MAML1: variants seen among roughly 807,000 people sequenced by gnomAD.
The protein encoded by MAML1 is mastermind-like protein 1.
In MAML1, 14 loss-of-function variants were observed where a neutral mutation model predicts 77.1. The observed-to-expected ratio is 0.18, with a 90% confidence interval of 0.12 to 0.28. The LOEUF (loss-of-function observed/expected upper bound fraction) is 0.28, where lower values mean the gene tolerates loss of function less well. MAML1 is among the 10% of genes least tolerant of loss of function. MAML1 has a pLI of 1.00. For missense variants in MAML1, 1,217 were observed against 1,327.8 expected, an observed-to-expected ratio of 0.92 and a Z score of 1.30; for synonymous variants, 516 against 551.9, an observed-to-expected ratio of 0.93 and a Z score of 0.91.
chr5:179,740,169 G>T (rs1330649964), intron 1 of MAML1, among the ~76,000 whole-genome samples: 1 of 152,146 alleles, frequency 6.6e-6, no homozygotes, highest in Non-Finnish European at 1.5e-5. Context: ...GGACCCTTCT[G>T]AGCTGGCATG....
intron 1 of MAML1, among the ~76,000 whole-genome samples, chr5:179,749,428 T>G (rs955525212): frequency 2.0e-5 from 3 of 151,658 alleles, no homozygotes; most frequent in Non-Finnish European, 2.9e-5. Flanking sequence ...ACCCAGCAAA[T>G]TTTTGTATTT....
chr5:179,765,874 A>T lies in MAML1; in HGVS notation c.864A>T (p.Thr288=), dbSNP rs756277424. The T allele has an allele frequency of 6.2e-7, 1 of 1,614,034 alleles. No homozygotes were observed. The highest frequency in any genetic ancestry group is 1.3e-5 in the African/African-American group (1 of 74,910). Residue 288 remains threonine, a synonymous_variant, in exon 2 of 5, where the codon ACA becomes ACT. Coordinates refer to ENST00000292599, the MANE Select transcript of MAML1 (RefSeq NM_014757.5). ...ACCCAGAGTCTTCTGGCTCTGCCAC[A>T]CAAACCCCCTTGGCACAGGACATTA... is the stretch of plus-strand genomic sequence containing the variant. The part of the protein sequence containing the change: ...KKDPESSGSA[T]QTPLAQDINI...
At chr5:179,767,161 G>C (rs1779837448) in intron 2 of MAML1, among the ~76,000 whole-genome samples, 1 of 126,396 alleles carries the variant, frequency 7.9e-6, no homozygotes, top group African/African-American at 3.1e-5. Context: ...CTAATTTTTG[G>C]TAAGCTTATA....
chr5:179,745,911 G>A (rs1244785051), intron 1 of MAML1, among the ~76,000 whole-genome samples: 1 of 149,660 alleles, frequency 6.7e-6, no homozygotes, highest in Non-Finnish European at 1.5e-5. Context: ...GCATGTGCCT[G>A]TAATCCCAGC....
At chr5:179,741,070 C>T (rs1779274784) in intron 1 of MAML1, among the ~76,000 whole-genome samples, 1 of 152,162 alleles carries the variant, frequency 6.6e-6, no homozygotes. Context: ...ATATTTCCCA[C>T]ATATCCAAAA....
chr5:179,757,434 G>T (rs1213223832), intron 1 of MAML1, among the ~76,000 whole-genome samples: 3 of 152,084 alleles, frequency 2.0e-5, no homozygotes, highest in Admixed American at 6.6e-5. Flanking sequence ...CAGGCATGGT[G>T]GCGGGTGCCT....
Position 179,773,936 on chromosome 5 carries a change from T to C in MAML1, c.2110T>C (p.Ser704Pro). ...GCCCGGCATGAACACCTTGGGTCCA[T>C]CCAACTCCAGCTGTCCTCGAGTGTT... is the stretch of plus-strand genomic sequence containing the variant. ...AVPGMNTLGPSNSSCPRVFPQ... is the reference protein window; with the variant it reads ...AVPGMNTLGPPNSSCPRVFPQ... The change falls in exon 5 of 5, where the codon TCC becomes CCC. Residue 704 changes from serine to proline, a missense_variant. Ser to Pro is a moderately conservative substitution (Grantham distance 74, BLOSUM62 -1). Transcript: ENST00000292599. The C allele has an allele frequency of 6.2e-7, 1 of 1,614,206 alleles. No individual in the cohort carries two copies. Among genetic ancestry groups the C allele is most frequent in the Non-Finnish European group, 8.5e-7 (1 of 1,180,036 alleles).
chr5:179,765,493 C>A lies in MAML1; in HGVS notation c.483C>A (p.Leu161=). The part of the protein sequence containing the change: ...SSNGLPPASP[L]GQSDKPSGAD... ...ATGGACTGCCTCCAGCCTCCCCCCTCGGTCAGTCTGACAAGCCTTCTGGAG... is the reference window on the plus strand; with the variant it reads ...ATGGACTGCCTCCAGCCTCCCCCCTAGGTCAGTCTGACAAGCCTTCTGGAG... The change falls in exon 2 of 5, where the codon CTC becomes CTA. Residue 161 remains leucine, a synonymous_variant. Transcript: ENST00000292599. 6.2e-7 allele frequency: 1 copy of A among 1,614,122 alleles called. No homozygotes were observed. Among genetic ancestry groups the A allele is most frequent in the South Asian group, 1.1e-5 (1 of 91,076 alleles).
rs528407094 is a variant in MAML1 at position 179,771,276 on chromosome 5, G to A, written c.2068+33G>A. 1.3e-6 allele frequency: 2 copies of A among 1,575,268 alleles called. No individual in the cohort carries two copies. The highest frequency in any genetic ancestry group is 2.7e-5 in the African/African-American group (2 of 74,272). ...GTGTCTGTGTGACGAGCAGGGACAGGGGAGGCCGCTGCCTGGTGCTGGTTG... is the reference window on the plus strand; with the variant it reads ...GTGTCTGTGTGACGAGCAGGGACAGAGGAGGCCGCTGCCTGGTGCTGGTTG... On this transcript the variant is annotated intron_variant, in intron 4 of 4. Transcript: ENST00000292599. This position sits in a 1 kb window ranked among gnomAD's most constrained non-coding sequence, Gnocchi z 4.7.
chr5:179,774,471 C>T lies in MAML1; in HGVS notation c.2645C>T (p.Ser882Phe). The T allele has an allele frequency of 6.2e-7, 1 of 1,613,352 alleles. No homozygotes were observed. The highest frequency in any genetic ancestry group is 8.5e-7 in the Non-Finnish European group (1 of 1,180,046). The part of the protein sequence containing the change: ...AHLKMSSPQF[S>F]QAVPNRPMAP... ...CTGAAAATGTCTAGCCCGCAATTCTCCCAGGCAGTGCCCAACAGGCCCATG... is the reference window on the plus strand; with the variant it reads ...CTGAAAATGTCTAGCCCGCAATTCTTCCAGGCAGTGCCCAACAGGCCCATG... The change falls in exon 5 of 5, where the codon TCC becomes TTC. Residue 882 changes from serine (S) to phenylalanine (F), a missense_variant. Physicochemically the swap from Ser to Phe is radical, Grantham distance 155. Around this residue, in one of 3 missense-constraint regions of MAML1, gnomAD observed 884 missense variants for 949.3 expected, o/e 0.93. Coordinates refer to ENST00000292599, the MANE Select transcript of MAML1 (RefSeq NM_014757.5).
intron 1 of MAML1, among the ~76,000 whole-genome samples, chr5:179,750,993 A>T (rs1779477769): frequency 6.6e-6 from 1 of 151,794 alleles, no homozygotes; most frequent in Non-Finnish European, 1.5e-5. Flanking sequence ...ACTTTTTTTT[A>T]AATCAGAATC....
At chr5:179,739,067 A>T (rs1398828320) in intron 1 of MAML1, among the ~76,000 whole-genome samples, 1 of 152,090 alleles carries the variant, frequency 6.6e-6, no homozygotes, top group East Asian at 1.9e-4. Context: ...TTCCCTTATT[A>T]ATTCATGCAG....
At chr5:179,739,804 A>G (rs1348860862) in intron 1 of MAML1, among the ~76,000 whole-genome samples, 1 of 152,190 alleles carries the variant, frequency 6.6e-6, no homozygotes, top group East Asian at 1.9e-4. Context: ...ATTATTGCAA[A>G]TACTAGGCCA....
intron 1 of MAML1, among the ~76,000 whole-genome samples, chr5:179,746,203 G>C (rs186820759): frequency 4.0e-5 from 6 of 151,490 alleles, no homozygotes; most frequent in Non-Finnish European, 7.4e-5. Flanking sequence ...AAAATTAGCC[G>C]GGTGTGGTGG....
At chr5:179,757,186 TCTG>T (rs1257316833) in intron 1 of MAML1, among the ~76,000 whole-genome samples, 4 of 152,178 alleles carry the variant, frequency 2.6e-5, no homozygotes, top group African/African-American at 9.7e-5. Context: ...CAGAGCAGTG[TCTG>T]CTGTATAGGA....
rs1562578678 is a variant in MAML1 at position 179,773,522 on chromosome 5, T to TC, written c.2069-373_2069-372insC. Among the ~76,000 whole-genome samples, 1,382 of 147,858 alleles carry TC rather than the reference T, an allele frequency of 9.3e-3. 20 individuals are homozygous for TC. The highest frequency in any genetic ancestry group is 0.033 in the African/African-American group (1,285 of 38,464). On this transcript the variant is annotated intron_variant, in intron 4 of 4. Coordinates refer to ENST00000292599, the MANE Select transcript of MAML1 (RefSeq NM_014757.5). The stretch of plus-strand genomic sequence containing the variant: ...CCAGGCGCGCCCCATCGCGCCCCAT[T>TC]GCGCCCCATCGTGCCATGTGCTAAC...
intron 1 of MAML1, among the ~76,000 whole-genome samples, chr5:179,750,780 T>A (rs1317156385): frequency 6.6e-6 from 1 of 151,930 alleles, no homozygotes; most frequent in Admixed American, 6.6e-5. Flanking sequence ...ATAAATTGAA[T>A]GAGATGATGA....
intron 1 of MAML1, among the ~76,000 whole-genome samples, chr5:179,747,606 C>T (rs540910690): frequency 9.2e-5 from 14 of 152,036 alleles, no homozygotes; most frequent in Non-Finnish European, 1.5e-4. Context: ...GTCAGGAGAT[C>T]GAGACCATCT....
At chr5:179,759,669 A>C (rs974539104) in intron 1 of MAML1, among the ~76,000 whole-genome samples, 2 of 152,152 alleles carry the variant, frequency 1.3e-5, no homozygotes, top group African/African-American at 4.8e-5. Flanking sequence ...CTGGGAGAGA[A>C]ATGTTGACCA....
Sources: gnomAD v4.1 joint callset for allele counts (sites outside exome capture counted in the v4.1 genomes callset) on GRCh38, gnomAD v4.1.1 for gene constraint, gnomAD v4.1.1 regional missense constraint, Gnocchi (gnomAD v3.1) non-coding constraint, MANE v1.5 for transcripts, NCBI Gene and HGNC (gene_info 2026-07-23, HGNC 2026-07-21) for gene names.